Variants in CDH12 observed in about 807,000 individuals in gnomAD.
The protein encoded by CDH12 is cadherin 12.
A neutral mutation model predicts 74.1 loss-of-function variants in CDH12; 41 were observed. The ratio of observed to expected loss-of-function variants is 0.55; its 90% CI spans 0.43 to 0.72. CDH12 has a LOEUF of 0.72. Ranked by LOEUF, CDH12 falls within the 30% of genes least tolerant of loss-of-function variation. The pLI is 0.00. For missense variants in CDH12, 945 were observed against 977.2 expected, an observed-to-expected ratio of 0.97 and a Z score of 0.44; for synonymous variants, 399 against 355.0, an observed-to-expected ratio of 1.12 and a Z score of -1.39.
intron 1 of CDH12, among the ~76,000 whole-genome samples, chr5:22,639,374 T>C (rs1739016579): frequency 6.6e-6 from 1 of 151,592 alleles, no homozygotes; most frequent in Admixed American, 6.6e-5. Context: ...CAATAACCAC[T>C]AATGTGGCTG....
intron 4 of CDH12, among the ~76,000 whole-genome samples, chr5:22,178,646 A>C (rs962543869): frequency 6.6e-6 from 1 of 152,158 alleles, no homozygotes; most frequent in Non-Finnish European, 1.5e-5. Flanking sequence ...ACTCTTACCA[A>C]TAGTCCTCAG....
intron 1 of CDH12, among the ~76,000 whole-genome samples, chr5:22,526,937 A>G (rs1259639331): frequency 1.2e-4 from 18 of 152,142 alleles, no homozygotes; most frequent in Non-Finnish European, 4.4e-5. Flanking sequence ...TGGGGAAATT[A>G]TCTCATGGTG....
intron 1 of CDH12, among the ~76,000 whole-genome samples, chr5:22,646,420 T>C (rs1739435335): frequency 6.6e-6 from 1 of 151,826 alleles, no homozygotes; most frequent in East Asian, 1.9e-4. Flanking sequence ...AAGCACCAAA[T>C]GAACAAAAGA....
chr5:22,711,590 T>C (rs191204975), intron 1 of CDH12, among the ~76,000 whole-genome samples: 12 of 152,194 alleles, frequency 7.9e-5, no homozygotes, highest in African/African-American at 2.9e-4. Flanking sequence ...ATTGAAATAA[T>C]ATGGCACTAT....
intron 2 of CDH12, among the ~76,000 whole-genome samples, chr5:22,410,960 A>G (rs1029512061): frequency 6.6e-6 from 1 of 152,044 alleles, no homozygotes; most frequent in African/African-American, 2.4e-5. Flanking sequence ...ATTTTTAAAA[A>G]TGGAAATAAA....
chr5:22,626,741 A>C (rs999314294), intron 1 of CDH12, among the ~76,000 whole-genome samples: 6 of 152,212 alleles, frequency 3.9e-5, no homozygotes, highest in African/African-American at 1.4e-4. Flanking sequence ...TGGTTCTTAC[A>C]CAGGCTGAAA....
chr5:22,215,016 A>G (rs1751749561), intron 3 of CDH12, among the ~76,000 whole-genome samples: 1 of 152,226 alleles, frequency 6.6e-6, no homozygotes, highest in Non-Finnish European at 1.5e-5. Context: ...CCGTAGTCAC[A>G]TGAAAATAAC....
intron 1 of CDH12, among the ~76,000 whole-genome samples, chr5:22,818,844 T>C (rs936004514): frequency 1.3e-5 from 2 of 152,148 alleles, no homozygotes; most frequent in African/African-American, 4.8e-5. Context: ...ATATTGCTAG[T>C]TATTTAGTTT....
At chr5:22,549,753 T>C (rs549658462) in intron 1 of CDH12, among the ~76,000 whole-genome samples, 1 of 152,346 alleles carries the variant, frequency 6.6e-6, no homozygotes, top group East Asian at 1.9e-4. Flanking sequence ...GATAATTGAA[T>C]GTTGATTTTT....
intron 3 of CDH12, among the ~76,000 whole-genome samples, chr5:22,319,673 A>G (rs1054599485): frequency 6.6e-6 from 1 of 152,190 alleles, no homozygotes; most frequent in African/African-American, 2.4e-5. Flanking sequence ...TGGGCAAATT[A>G]TATTTATAAA....
chr5:21,991,248 A>C (rs542640512), intron 5 of CDH12, among the ~76,000 whole-genome samples: 1 of 151,878 alleles, frequency 6.6e-6, no homozygotes, highest in South Asian at 2.1e-4. Context: ...TTTGCTTTGA[A>C]AGACATAAAA....
At chr5:22,493,456 T>C (rs1427142017) in intron 2 of CDH12, among the ~76,000 whole-genome samples, 3 of 152,178 alleles carry the variant, frequency 2.0e-5, no homozygotes, top group Non-Finnish European at 4.4e-5. Flanking sequence ...GAAAAATGAA[T>C]ATAATAAATT....
At chr5:22,720,191 G>A (rs146557472) in intron 1 of CDH12, among the ~76,000 whole-genome samples, 3 of 152,188 alleles carry the variant, frequency 2.0e-5, no homozygotes, top group Non-Finnish European at 2.9e-5. Context: ...ATTGAATCGT[G>A]GGGGGCAGTT....
intron 5 of CDH12, among the ~76,000 whole-genome samples, chr5:22,009,149 C>T (rs537915535): frequency 1.3e-5 from 2 of 152,132 alleles, no homozygotes; most frequent in African/African-American, 2.4e-5. Context: ...GAAGCTGAGG[C>T]GACTAATATA....
chr5:21,804,669 C>T lies in CDH12; in HGVS notation c.1003-2249G>A, dbSNP rs1216728046. Reference sequence around the variant, plus strand: ...ACACACACACACACACACACACACACACACACACACACACACACACACACA... The same window carrying T: ...ACACACACACACACACACACACACATACACACACACACACACACACACACA... On this transcript the variant is annotated intron_variant, in intron 9 of 14. Coordinates refer to ENST00000382254, the MANE Select transcript of CDH12 (RefSeq NM_004061.5). Among the ~76,000 whole-genome samples the T allele has an allele frequency of 1.2e-3, 180 of 151,514 alleles. 1 individual carries two copies. Among genetic ancestry groups the T allele is most frequent in the Admixed American group, 3.0e-3 (45 of 15,188 alleles).
intron 6 of CDH12, among the ~76,000 whole-genome samples, chr5:21,919,126 A>G (rs1754238311): frequency 6.6e-6 from 1 of 152,170 alleles, no homozygotes; most frequent in South Asian, 2.1e-4. Flanking sequence ...CAATGTCTCA[A>G]AGTATTTACA....
chr5:21,820,273 C>T (rs781018863), intron 8 of CDH12, among the ~76,000 whole-genome samples: 1 of 151,920 alleles, frequency 6.6e-6, no homozygotes, highest in African/African-American at 2.4e-5. Context: ...AGTATTCTAT[C>T]AATTTAAGTT....
chr5:22,207,175 C>T (rs533202310), intron 4 of CDH12, among the ~76,000 whole-genome samples: 20 of 144,666 alleles, frequency 1.4e-4, no homozygotes, highest in Non-Finnish European at 2.5e-4. Context: ...GCTGAGATTG[C>T]GCCACTGCAC....
intron 1 of CDH12, among the ~76,000 whole-genome samples, chr5:22,834,966 A>G (rs1313207932): frequency 6.6e-6 from 1 of 152,160 alleles, no homozygotes; most frequent in Admixed American, 6.6e-5. Context: ...GTAAGCCACT[A>G]TGGAATATAA....
Sources: allele counts gnomAD v4.1 joint callset (sites outside exome capture counted in the v4.1 genomes callset), GRCh38; gene constraint gnomAD v4.1.1; transcripts MANE v1.5; gene names NCBI Gene and HGNC (gene_info 2026-07-23, HGNC 2026-07-21).